The following NOS1AP variants were observed in gnomAD, a reference collection of about 807,000 sequenced individuals.
The protein encoded by NOS1AP is nitric oxide synthase 1 adaptor protein.
A neutral mutation model predicts 56.2 loss-of-function variants in NOS1AP; 21 were observed. The observed-to-expected ratio is 0.37, with a 90% confidence interval of 0.26 to 0.54. The LOEUF (loss-of-function observed/expected upper bound fraction) is 0.54. Among genes scored for constraint, NOS1AP ranks in the 20% least tolerant of loss-of-function variants. The pLI is 0.84. For missense variants in NOS1AP, 522 were observed against 657.8 expected (o/e 0.79, Z 2.26); for synonymous variants, 270 against 274.6 (o/e 0.98, Z 0.17).
At chr1:162,339,726 G>A (rs1221170189) in intron 5 of NOS1AP, among the ~76,000 whole-genome samples, 1 of 152,214 alleles carries the variant, frequency 6.6e-6, no homozygotes, top group African/African-American at 2.4e-5. Context: ...TGCATTTTGG[G>A]GTTGAAGGCA....
intron 1 of NOS1AP, among the ~76,000 whole-genome samples, chr1:162,070,663 C>A (rs1279063300): frequency 6.6e-6 from 1 of 152,176 alleles, no homozygotes; most frequent in Non-Finnish European, 1.5e-5. Flanking sequence ...TGTTATTTAC[C>A]TGCTGGGCTC....
Position 162,070,081 on chromosome 1 carries a change from C to G in NOS1AP, c.-97C>G, listed in dbSNP as rs1203302891. The G allele has an allele frequency of 1.0e-6, 1 of 983,266 alleles. No individual in the cohort carries two copies. Among genetic ancestry groups the G allele is most frequent in the Non-Finnish European group, 1.6e-6 (1 of 636,488 alleles). 60.9% of individuals were successfully genotyped at this position (983,266 alleles called of 1,614,324 possible). A position where few individuals can be genotyped will look rare whatever the true frequency, so the allele number is the denominator to read the frequency against. ...CCCAGCGCTCCCAGGCCCCGCCACG[C>G]GTCGCCGCGCCCAGCTCCAGTCTCC... On this transcript the variant is annotated 5_prime_UTR_variant, in exon 1 of 10. Transcript: ENST00000361897.
chr1:162,280,516 G>C (rs978015123), intron 2 of NOS1AP, among the ~76,000 whole-genome samples: 1 of 152,176 alleles, frequency 6.6e-6, no homozygotes, highest in Non-Finnish European at 1.5e-5. Flanking sequence ...ACTTTTGGCC[G>C]TACTTCTGAT....
At chr1:162,234,988 G>A (rs1191378125) in intron 2 of NOS1AP, among the ~76,000 whole-genome samples, 7 of 152,172 alleles carry the variant, frequency 4.6e-5, no homozygotes, top group Non-Finnish European at 1.5e-5. Flanking sequence ...CCTGGGCTGA[G>A]TTTGCTCATC....
intron 6 of NOS1AP, among the ~76,000 whole-genome samples, chr1:162,349,977 G>A (rs1025434434): frequency 1.3e-5 from 2 of 152,188 alleles, no homozygotes; most frequent in Admixed American, 1.3e-4. Context: ...CCCCACACAC[G>A]TTTTCACTGT....
Position 162,370,046 on chromosome 1 carries a change from C to T in NOS1AP, c.*2579C>T, listed in dbSNP as rs1222238400. On this transcript the variant is annotated 3_prime_UTR_variant, in exon 10 of 10. Coordinates refer to ENST00000361897, the MANE Select transcript of NOS1AP (RefSeq NM_014697.3). ...GCCCTATATGGAGGACAAATGGACA[C>T]CAGGGGTGCTAACCTTATTGGTGCC... 2.6e-5 allele frequency: 4 copies of T among 152,330 alleles called. No individual in the cohort carries two copies. The highest frequency in any genetic ancestry group is 5.9e-5 in the Non-Finnish European group (4 of 68,044). The allele number at this position is 152,330 out of a possible 1,614,324, so 9.4% of individuals were successfully genotyped here.
intron 2 of NOS1AP, among the ~76,000 whole-genome samples, chr1:162,186,522 C>T (rs1651438235): frequency 6.6e-6 from 1 of 152,100 alleles, no homozygotes; most frequent in Admixed American, 6.5e-5. Context: ...GTGTCTCCCC[C>T]AAATTCATAC....
chr1:162,360,544 G>A (rs1400674543), intron 8 of NOS1AP: 1 of 349,464 alleles, frequency 2.9e-6, no homozygotes. Context: ...TGTTAGTACA[G>A]TTCAGTATTG....
rs11475108 is a variant in NOS1AP, at chr1:162,261,531, AG to A, written c.178-25812del. On this transcript the variant is annotated intron_variant, in intron 2 of 9. Coordinates refer to ENST00000361897, the MANE Select transcript of NOS1AP (RefSeq NM_014697.3). ...GAGAGAGAGAGAGAGAGAGAGAGAG[AG>A]AGAGAGAGAGAGAGCAATGAAATGA... is the stretch of plus-strand genomic sequence containing the variant. Among the ~76,000 whole-genome samples, 22 of 8,652 alleles carry A rather than the reference AG, an allele frequency of 2.5e-3. 8 individuals are homozygous for A. The highest frequency in any genetic ancestry group is 9.6e-3 in the Non-Finnish European group (17 of 1,776). The allele number at this position is 8,652 out of a possible 152,430, so 5.7% of individuals were successfully genotyped here.
In NOS1AP at chr1:162,370,364, ACT is replaced by A. The variant is rs1647361839; in HGVS notation, c.*2900_*2901del. On this transcript the variant is annotated 3_prime_UTR_variant, in exon 10 of 10. Transcript: ENST00000361897. ...ACTTCCTAAAGCTGTTGTGTCATTA[ACT>A]CTGTTGGATCAACTCTCTGGGAAAA... 6.6e-6 allele frequency: 1 copy of A among 151,798 alleles called. No individual in the cohort carries two copies. Among genetic ancestry groups the A allele is most frequent in the Non-Finnish European group, 1.5e-5 (1 of 67,960 alleles). The allele number at this position is 151,798 out of a possible 1,614,324, so 9.4% of individuals were successfully genotyped here. A position where few individuals can be genotyped will look rare whatever the true frequency, so the allele number is the denominator to read the frequency against.
chr1:162,314,839 A>C (rs1202101792), intron 4 of NOS1AP, among the ~76,000 whole-genome samples: 1 of 152,246 alleles, frequency 6.6e-6, no homozygotes. Flanking sequence ...GTTGAACATC[A>C]TCTTTGAATA....
At chr1:162,147,187 G>A (rs1267685649) in intron 1 of NOS1AP, among the ~76,000 whole-genome samples, 1 of 152,018 alleles carries the variant, frequency 6.6e-6, no homozygotes, top group Non-Finnish European at 1.5e-5. Context: ...AAATTAGCCA[G>A]GTGGGGTGGT....
intron 1 of NOS1AP, among the ~76,000 whole-genome samples, chr1:162,153,007 G>C (rs890948871): frequency 6.6e-6 from 1 of 152,212 alleles, no homozygotes; most frequent in African/African-American, 2.4e-5. Context: ...ATGAATCAGT[G>C]TGTAATGGGA....
chr1:162,166,406 G>C (rs1197677448), intron 2 of NOS1AP, among the ~76,000 whole-genome samples: 2 of 152,200 alleles, frequency 1.3e-5, no homozygotes, highest in Admixed American at 6.5e-5. Flanking sequence ...AGTATGTCCT[G>C]TTGAGGCCAC....
intron 5 of NOS1AP, among the ~76,000 whole-genome samples, chr1:162,338,264 G>A (rs933078477): frequency 2.0e-5 from 3 of 152,106 alleles, no homozygotes; most frequent in Admixed American, 2.0e-4. Context: ...GAGTGGAGGA[G>A]GGGACAGGGG....
At chr1:162,366,881 A>T in intron 9 of NOS1AP, 171 bp from the exon 10 acceptor site, 1 of 742,070 alleles carries the variant, frequency 1.3e-6, no homozygotes, top group Non-Finnish European at 2.4e-6. Flanking sequence ...GTCTGGAGCT[A>T]TGTGGGGGCG....
chr1:162,325,090 G>A lies in NOS1AP; in HGVS notation c.345-7927G>A, dbSNP rs372138233. ...TTGCCAAATAGCCCTGAGGAAGGTA[G>A]TCATCAAATCGAGAATGGCTAAAAT... On this transcript the variant is annotated intron_variant, in intron 4 of 9. Transcript: ENST00000361897. Among the ~76,000 whole-genome samples the A allele has an allele frequency of 2.8e-4, 43 of 152,304 alleles. No individual in the cohort carries two copies. The East Asian group carries it at 6.6e-3, about 23-fold the overall frequency.
rs1654193690 is a variant in NOS1AP, at chr1:162,261,023, C to G, written c.178-26321C>G. On this transcript the variant is annotated intron_variant, in intron 2 of 9. Coordinates refer to ENST00000361897, the MANE Select transcript of NOS1AP (RefSeq NM_014697.3). The stretch of plus-strand genomic sequence containing the variant: ...TATATTCCCAAGGTGACTAATATAA[C>G]AAATTAGAATTTGTTATATTCCCAA... Among the ~76,000 whole-genome samples, 2 of 106,692 alleles carry G rather than the reference C, an allele frequency of 1.9e-5. 1 individual carries two copies. The highest frequency in any genetic ancestry group is 7.9e-4 in the East Asian group (2 of 2,522). 70.0% of individuals were successfully genotyped at this position (106,692 alleles called of 152,430 possible). A position where few individuals can be genotyped will look rare whatever the true frequency, so the allele number is the denominator to read the frequency against.
intron 4 of NOS1AP, among the ~76,000 whole-genome samples, chr1:162,306,412 C>T (rs1158502167): frequency 6.6e-6 from 1 of 152,160 alleles, no homozygotes; most frequent in Non-Finnish European, 1.5e-5. Flanking sequence ...TCCATTCTCT[C>T]CCAGAATAGC....
Sources: gnomAD v4.1 joint callset for allele counts (sites outside exome capture counted in the v4.1 genomes callset) on GRCh38, gnomAD v4.1.1 for gene constraint, MANE v1.5 for transcripts, NCBI Gene and HGNC (gene_info 2026-07-23, HGNC 2026-07-21) for gene names.